The following RBFOX1 variants were observed in gnomAD, a reference collection of about 807,000 sequenced individuals.
The protein encoded by RBFOX1 is RNA binding fox-1 homolog 1, also known as RNA binding protein fox-1 homolog 1.
Under a neutral mutation model 57.7 loss-of-function variants are expected in RBFOX1, and 8 were observed. That is an observed-to-expected ratio of 0.14 (90% CI 0.08 to 0.25). The LOEUF (loss-of-function observed/expected upper bound fraction) is 0.25, where lower values mean the gene tolerates loss of function less well. Among genes scored for constraint, RBFOX1 ranks in the 10% least tolerant of loss-of-function variants. RBFOX1 has a pLI of 1.00. For missense variants in RBFOX1, 611 were observed against 548.5 expected (o/e 1.11, Z -1.14); for synonymous variants, 326 against 222.4 (o/e 1.47, Z -4.15).
intron 1 of RBFOX1, among the ~76,000 whole-genome samples, chr16:5,361,627 A>T (rs1301636174): frequency 6.6e-6 from 1 of 152,234 alleles, no homozygotes; most frequent in Non-Finnish European, 1.5e-5. Flanking sequence ...GTGTGATTGC[A>T]AACGTTGCAA....
chr16:7,346,949 G>A (rs1486809500), intron 4 of RBFOX1, among the ~76,000 whole-genome samples: 33 of 152,166 alleles, frequency 2.2e-4, no homozygotes, highest in Admixed American at 2.0e-3. Flanking sequence ...GTTTTGAGGT[G>A]TAGTGCATGA....
At position 7,710,765 on chromosome 16, in the gene RBFOX1, C is replaced by T. The variant is rs2083888123; in HGVS notation, c.*20C>T. On this transcript the variant is annotated 3_prime_UTR_variant, in exon 16 of 16. Coordinates refer to ENST00000550418, the MANE Select transcript of RBFOX1 (RefSeq NM_018723.4). ...TACTAAATGACAAAACCATAAAAAC[C>T]TTCCAATGTGGGGAGAAAGGAAGCT... is the stretch of plus-strand genomic sequence containing the variant. 1 of 1,537,044 alleles carries T rather than the reference C, an allele frequency of 6.5e-7. No individual in the cohort carries two copies. Among genetic ancestry groups the T allele is most frequent in the Non-Finnish European group, 8.8e-7 (1 of 1,142,668 alleles).
At chr16:5,472,037 G>C (rs1387363692) in intron 2 of RBFOX1, among the ~76,000 whole-genome samples, 1 of 152,114 alleles carries the variant, frequency 6.6e-6, no homozygotes, top group African/African-American at 2.4e-5. Context: ...TGATCTCCTT[G>C]CCTTGTCTGC....
intron 4 of RBFOX1, among the ~76,000 whole-genome samples, chr16:7,268,154 A>G (rs1416597507): frequency 1.3e-5 from 2 of 152,166 alleles, no homozygotes; most frequent in East Asian, 3.8e-4. Flanking sequence ...AATATAGCTA[A>G]CCATAGAAAA....
chr16:6,421,279 A>G lies in RBFOX1; in HGVS notation c.-64+104222A>G, dbSNP rs550316511. On this transcript the variant is annotated intron_variant, in intron 2 of 15. Coordinates refer to ENST00000550418, the MANE Select transcript of RBFOX1 (RefSeq NM_018723.4). The stretch of plus-strand genomic sequence containing the variant: ...GCTCTTCCATCTGGAGCCGCTCTCT[A>G]TGGGAGAAGGAGTCTTGAGCCCTTT... 4.6e-5 allele frequency among the ~76,000 whole-genome samples: 7 copies of G among 152,280 alleles called. No individual in the cohort carries two copies. In the South Asian group the frequency reaches 1.0e-3, roughly 23 times the overall value.
At chr16:7,355,109 C>G (rs2097192382) in intron 4 of RBFOX1, among the ~76,000 whole-genome samples, 1 of 152,180 alleles carries the variant, frequency 6.6e-6, no homozygotes, top group South Asian at 2.1e-4. Flanking sequence ...ACCGCTATCA[C>G]CCAAGCTTTG....
chr16:7,486,046 C>A (rs2065275063), intron 4 of RBFOX1, among the ~76,000 whole-genome samples: 1 of 151,364 alleles, frequency 6.6e-6, no homozygotes, highest in African/African-American at 2.4e-5. Context: ...ATTTCTGATC[C>A]TTCTTCTGTG....
intron 3 of RBFOX1, among the ~76,000 whole-genome samples, chr16:6,732,050 T>C (rs1403729783): frequency 6.6e-6 from 1 of 152,202 alleles, no homozygotes; most frequent in African/African-American, 2.4e-5. Context: ...TGACTTAAGC[T>C]ATGGCTTGAG....
chr16:6,678,499 C>A (rs578038519), intron 3 of RBFOX1, among the ~76,000 whole-genome samples: 2 of 151,618 alleles, frequency 1.3e-5, no homozygotes, highest in Non-Finnish European at 2.9e-5. Context: ...CCTTCAAAAT[C>A]TAGTGTGCAT....
intron 2 of RBFOX1, among the ~76,000 whole-genome samples, chr16:5,471,573 C>T (rs2069137026): frequency 6.6e-6 from 1 of 152,096 alleles, no homozygotes; most frequent in South Asian, 2.1e-4. Flanking sequence ...GTGCCCACCC[C>T]CGGAGAACCC....
intron 2 of RBFOX1, among the ~76,000 whole-genome samples, chr16:6,363,028 G>A (rs542358282): frequency 1.5e-4 from 23 of 152,250 alleles, no homozygotes; most frequent in African/African-American, 4.3e-4. Flanking sequence ...CAAAGCAGGC[G>A]TGCACAGTTT....
chr16:6,899,578 G>A (rs958479966), intron 3 of RBFOX1, among the ~76,000 whole-genome samples: 2 of 152,132 alleles, frequency 1.3e-5, no homozygotes, highest in African/African-American at 4.8e-5. Flanking sequence ...CACCATCTGT[G>A]AGATTTTGAG....
chr16:5,364,853 T>C (rs2065665020), intron 1 of RBFOX1, among the ~76,000 whole-genome samples: 1 of 152,094 alleles, frequency 6.6e-6, no homozygotes. Flanking sequence ...CAAGGGCAGA[T>C]TTGGGATTTG....
chr16:7,023,938 C>T (rs1054723970), intron 3 of RBFOX1, among the ~76,000 whole-genome samples: 2 of 152,198 alleles, frequency 1.3e-5, no homozygotes, highest in East Asian at 1.9e-4. Context: ...GCTTTTGATT[C>T]CCATGAGGGC....
intron 1 of RBFOX1, among the ~76,000 whole-genome samples, chr16:6,233,047 C>T (rs1332727225): frequency 2.0e-5 from 3 of 152,056 alleles, no homozygotes; most frequent in Non-Finnish European, 4.4e-5. Context: ...ATGTAGGCCC[C>T]GATACAGATC....
At chr16:6,339,037 G>C (rs951795546) in intron 2 of RBFOX1, among the ~76,000 whole-genome samples, 7 of 152,148 alleles carry the variant, frequency 4.6e-5, no homozygotes, top group African/African-American at 1.7e-4. Context: ...TTAGATAGAA[G>C]GATCAGGAGT....
intron 3 of RBFOX1, among the ~76,000 whole-genome samples, chr16:6,789,697 C>G (rs1172478294): frequency 6.6e-6 from 1 of 152,096 alleles, no homozygotes; most frequent in African/African-American, 2.4e-5. Flanking sequence ...TTTCTTGTTT[C>G]ATTTTCTCCA....
intron 1 of RBFOX1, among the ~76,000 whole-genome samples, chr16:5,395,423 G>C (rs1187815577): frequency 2.0e-5 from 3 of 150,828 alleles, no homozygotes; most frequent in Non-Finnish European, 4.4e-5. Context: ...GAATAACGCA[G>C]TTGCGGGTGA....
At chr16:7,288,846 C>G (rs2095702684) in intron 4 of RBFOX1, among the ~76,000 whole-genome samples, 1 of 152,190 alleles carries the variant, frequency 6.6e-6, no homozygotes, top group Admixed American at 6.5e-5. Context: ...ATCTCAAAAA[C>G]TTTGTTGTTA....
Sources: gnomAD v4.1 joint callset for allele counts (sites outside exome capture counted in the v4.1 genomes callset) on GRCh38, gnomAD v4.1.1 for gene constraint, MANE v1.5 for transcripts, NCBI Gene and HGNC (gene_info 2026-07-23, HGNC 2026-07-21) for gene names.